Variants in ZNF787 observed in about 807,000 individuals in gnomAD.
ZNF787 encodes the protein zinc finger protein 787.
A neutral mutation model predicts 16.9 loss-of-function variants in ZNF787; 7 were observed. That is an observed-to-expected ratio of 0.42 (90% CI 0.24 to 0.78). The LOEUF (loss-of-function observed/expected upper bound fraction) is 0.78. Among genes scored for constraint, ZNF787 ranks in the 30% least tolerant of loss-of-function variants. ZNF787 has a pLI of 0.30. For missense variants in ZNF787, 551 were observed against 589.3 expected, an observed-to-expected ratio of 0.94 and a Z score of 0.67; for synonymous variants, 345 against 270.9, an observed-to-expected ratio of 1.27 and a Z score of -2.69.
chr19:56,100,087 C>T (rs1169612298), intron 2 of ZNF787, among the ~76,000 whole-genome samples: 1 of 152,098 alleles, frequency 6.6e-6, no homozygotes. Context: ...ATTCCCAGAG[C>T]AGGTGCCGGG....
At chr19:56,096,262 T>TAAAAAAATAAAAAAATA (rs1555776030) in intron 2 of ZNF787, among the ~76,000 whole-genome samples, 6 of 138,656 alleles carry the variant, frequency 4.3e-5, no homozygotes, top group East Asian at 2.8e-4. Flanking sequence ...ATAAAAAAAA[T>TAAAAAAATAAAAAAATA]AAAAAAACTA....
intron 2 of ZNF787, among the ~76,000 whole-genome samples, chr19:56,099,722 A>AAAG (rs944656251): frequency 5.4e-5 from 8 of 149,462 alleles, no homozygotes; most frequent in African/African-American, 2.0e-4. Flanking sequence ...AAAAAAAAAA[A>AAAG]AAAGAAAAGA....
In ZNF787 at chr19:56,103,001, G is replaced by C. The variant is rs754766146; in HGVS notation, c.79+138C>G. On this transcript the variant is annotated intron_variant, in intron 2 of 2. Transcript: ENST00000610935. ...AGGAGTGCAAGGCCCAGGGCGGGAG[G>C]GGAGGCCAGGGTCGGGTGGTCCCAG... is the stretch of plus-strand genomic sequence containing the variant. 25 of 866,076 alleles carry C rather than the reference G, an allele frequency of 2.9e-5. No individual in the cohort carries two copies. In the Admixed American group the frequency reaches 4.8e-4, roughly 17 times the overall value. The allele number at this position is 866,076 out of a possible 1,614,324, so 53.6% of individuals were successfully genotyped here.
intron 1 of ZNF787, among the ~76,000 whole-genome samples, chr19:56,104,473 G>A (rs994274652): frequency 7.0e-6 from 1 of 143,696 alleles, no homozygotes; most frequent in Admixed American, 6.9e-5. Context: ...CACGCACCGG[G>A]AGGGTCCCTA....
chr19:56,098,532 C>T (rs905663204), intron 2 of ZNF787, among the ~76,000 whole-genome samples: 15 of 141,156 alleles, frequency 1.1e-4, no homozygotes, highest in East Asian at 6.2e-4. Context: ...AGGGTGATGC[C>T]ACCAGGGTGA....
intron 1 of ZNF787, among the ~76,000 whole-genome samples, chr19:56,112,193 C>G (rs1027295932): frequency 2.0e-5 from 3 of 152,136 alleles, no homozygotes; most frequent in African/African-American, 7.2e-5. Context: ...CAGGCCAGCT[C>G]CCTAGGAGAA....
chr19:56,107,651 C>T (rs546933045), intron 1 of ZNF787, among the ~76,000 whole-genome samples: 148 of 66,316 alleles, frequency 2.2e-3, no homozygotes, highest in African/African-American at 8.7e-3. Context: ...AGGAAGCACA[C>T]GGGGAGGGGG....
At chr19:56,090,248 C>T (rs1483408437) in intron 2 of ZNF787, among the ~76,000 whole-genome samples, 1 of 152,246 alleles carries the variant, frequency 6.6e-6, no homozygotes, top group Non-Finnish European at 1.5e-5. Context: ...ACTTCAGCGT[C>T]AGGTCCTCAT....
intron 1 of ZNF787, among the ~76,000 whole-genome samples, chr19:56,112,109 G>T (rs1049826140): frequency 6.6e-6 from 1 of 152,136 alleles, no homozygotes; most frequent in Non-Finnish European, 1.5e-5. Context: ...ACCCGCAGAG[G>T]TGAACGATGG....
rs145391862 is a variant in ZNF787 at position 56,110,595 on chromosome 19, C to T, written c.-10-7368G>A. On this transcript the variant is annotated intron_variant, in intron 1 of 2. Coordinates refer to ENST00000610935, the MANE Select transcript of ZNF787 (RefSeq NM_001002836.4). ...GGGGCTGAGGAGGTGGTGGGGGCTG[C>T]TCCTCACCTCCTCTTCTTGGCTGAA... Among the ~76,000 whole-genome samples, 206 of 151,928 alleles carry T rather than the reference C, an allele frequency of 1.4e-3. 1 individual carries two copies. The highest frequency in any genetic ancestry group is 3.4e-3 in the Middle Eastern group (1 of 294).
intron 1 of ZNF787, among the ~76,000 whole-genome samples, chr19:56,114,631 A>G (rs1395176890): frequency 3.3e-5 from 5 of 151,946 alleles, no homozygotes; most frequent in Non-Finnish European, 1.5e-5. Flanking sequence ...CCCACACCCC[A>G]CCTTTCCCAT....
rs1230206658 is a variant in ZNF787 at position 56,088,308 on chromosome 19, G to A, written c.864C>T (p.Gly288=). The change falls in exon 3 of 3, where the codon GGC becomes GGT. Residue 288 remains glycine (G), a synonymous_variant. Coordinates refer to ENST00000610935, the MANE Select transcript of ZNF787 (RefSeq NM_001002836.4). The surrounding 1 kb of genome is among the most constrained non-coding windows in gnomAD (Gnocchi z 8.6). ...KPYVCLECGK[G]FGHGAGLLAH... is the part of the protein sequence containing the mutation. Reference sequence around the variant, plus strand: ...CCAGGAGCCCGGCCCCGTGCCCGAAGCCCTTCCCGCACTCCAGACACACGT... The same window carrying A: ...CCAGGAGCCCGGCCCCGTGCCCGAAACCCTTCCCGCACTCCAGACACACGT... 3.0e-5 allele frequency: 40 copies of A among 1,332,942 alleles called. No homozygotes were observed. The highest frequency in any genetic ancestry group is 3.5e-5 in the Non-Finnish European group (37 of 1,045,000). The allele number at this position is 1,332,942 out of a possible 1,614,324, so 82.6% of individuals were successfully genotyped here. A position where few individuals can be genotyped will look rare whatever the true frequency, so the allele number is the denominator to read the frequency against.
At chr19:56,106,991 C>T (rs1424009170) in intron 1 of ZNF787, among the ~76,000 whole-genome samples, 1 of 152,198 alleles carries the variant, frequency 6.6e-6, no homozygotes, top group South Asian at 2.1e-4. Flanking sequence ...CCTGCCCTCA[C>T]GAAGGGCCTG....
At position 56,087,886 on chromosome 19, in the gene ZNF787, A is replaced by G. The variant is rs1568520003; in HGVS notation, c.*137T>C. The stretch of plus-strand genomic sequence containing the variant: ...GCCCCCCCACGGACGGCGCAGGGAC[A>G]GAGGAGGGCGGGGAGCCGGGGATGC... On this transcript the variant is annotated 3_prime_UTR_variant, in exon 3 of 3. Coordinates refer to ENST00000610935, the MANE Select transcript of ZNF787 (RefSeq NM_001002836.4). 3 of 1,256,988 alleles carry G rather than the reference A, an allele frequency of 2.4e-6. No homozygotes were observed. The highest frequency in any genetic ancestry group is 2.0e-6 in the Non-Finnish European group (2 of 995,880). 77.9% of individuals were successfully genotyped at this position (1,256,988 alleles called of 1,614,324 possible). A position where few individuals can be genotyped will look rare whatever the true frequency, so the allele number is the denominator to read the frequency against.
Position 56,088,190 on chromosome 19 carries a change from G to C in ZNF787, c.982C>G (p.Gln328Glu). ...TTGTGTCTCCGGAGCGCGGCGCCCT[G>C]CACGAAGCCCTCCCCGCACTCCACG... The part of the protein sequence containing the change: ...ICVECGEGFV[Q>E]GAALRRHKKI... Residue 328 changes from glutamine to glutamate, a missense_variant, in exon 3 of 3, where the codon CAG becomes GAG. Physicochemically the swap from Gln to Glu is conservative, Grantham distance 29. This residue lies in a region of ZNF787 where 392 missense variants were observed against 312.7 expected (regional missense o/e 1.25). Transcript: ENST00000610935. This position sits in a 1 kb window ranked among gnomAD's most constrained non-coding sequence, Gnocchi z 8.6. 6.5e-7 allele frequency: 1 copy of C among 1,541,698 alleles called. No individual in the cohort carries two copies. Among genetic ancestry groups the C allele is most frequent in the Non-Finnish European group, 8.7e-7 (1 of 1,150,148 alleles).
rs1377126888 is a variant in ZNF787 at position 56,087,790 on chromosome 19, G to C, written c.*233C>G. On this transcript the variant is annotated 3_prime_UTR_variant, in exon 3 of 3. Transcript: ENST00000610935. The stretch of plus-strand genomic sequence containing the variant: ...CTCCGGCTCGCAGGCCGATAACTTA[G>C]GAAGGGCGGGCCAGGCTGAGGGGGC... The C allele has an allele frequency of 1.3e-5, 8 of 609,194 alleles. No homozygotes were observed. Among genetic ancestry groups the C allele is most frequent in the African/African-American group, 7.8e-5 (4 of 51,300 alleles). The allele number at this position is 609,194 out of a possible 1,614,324, so 37.7% of individuals were successfully genotyped here.
chr19:56,098,761 GGAGC>G (rs1985974876), intron 2 of ZNF787, among the ~76,000 whole-genome samples: 2 of 121,752 alleles, frequency 1.6e-5, no homozygotes, highest in African/African-American at 6.5e-5. Flanking sequence ...GCTGGGTGAT[GGAGC>G]CTAGGTGATA....
At chr19:56,102,887 C>A in intron 2 of ZNF787, 1 of 703,158 alleles carries the variant, frequency 1.4e-6, no homozygotes, top group South Asian at 1.5e-5. Flanking sequence ...CAGAGGAAGT[C>A]AGGCAGAGAA....
Position 56,088,589 on chromosome 19 carries a change from G to A in ZNF787, c.583C>T (p.Arg195Cys), listed in dbSNP as rs1985444041. ...RGFSQPKSLA[R>C]HLRLHPELSG... is the part of the protein sequence containing the mutation. ...AGCTCCGGGTGCAGCCGCAGGTGAC[G>A]CGCGAGGCTCTTGGGCTGGCTGAAG... The change falls in exon 3 of 3, where the codon CGT (arginine) becomes TGT (cysteine). Residue 195 changes from arginine to cysteine, a missense_variant. Around this residue, in one of 4 missense-constraint regions of ZNF787, gnomAD observed 392 missense variants for 312.7 expected, o/e 1.25. Transcript: ENST00000610935. This position sits in a 1 kb window ranked among gnomAD's most constrained non-coding sequence, Gnocchi z 8.6. 3.3e-6 allele frequency: 5 copies of A among 1,513,576 alleles called. No individual in the cohort carries two copies. Among genetic ancestry groups the A allele is most frequent in the African/African-American group, 1.4e-5 (1 of 69,864 alleles). 93.8% of individuals were successfully genotyped at this position (1,513,576 alleles called of 1,614,324 possible).
Sources: gnomAD v4.1 joint callset for allele counts (sites outside exome capture counted in the v4.1 genomes callset) on GRCh38, gnomAD v4.1.1 for gene constraint, gnomAD v4.1.1 regional missense constraint, Gnocchi (gnomAD v3.1) non-coding constraint, MANE v1.5 for transcripts, NCBI Gene and HGNC (gene_info 2026-07-23, HGNC 2026-07-21) for gene names.